NEGR1: variants seen among roughly 807,000 people sequenced by gnomAD.
NEGR1 encodes the protein IgLON family member 4.
In NEGR1, 10 loss-of-function variants were observed where a neutral mutation model predicts 40.9. The ratio of observed to expected loss-of-function variants is 0.24; its 90% CI spans 0.15 to 0.42. The LOEUF (loss-of-function observed/expected upper bound fraction) is 0.42, where lower values mean the gene tolerates loss of function less well. Ranked by LOEUF, NEGR1 falls within the 10% of genes least tolerant of loss-of-function variation. The probability of loss-of-function intolerance (pLI) is 1.00; values close to 1 mark genes in which losing one functional copy is unlikely to be tolerated. For missense variants in NEGR1, 352 were observed against 438.9 expected (o/e 0.80, Z 1.77); for synonymous variants, 185 against 166.8 (o/e 1.11, Z -0.84).
At chr1:72,187,798 C>T (rs1449597365) in intron 1 of NEGR1, among the ~76,000 whole-genome samples, 1 of 151,348 alleles carries the variant, frequency 6.6e-6, no homozygotes, top group Non-Finnish European at 1.5e-5. Context: ...TTAGGTTAGG[C>T]ACTGTTTTTA....
chr1:71,866,263 A>C (rs1208703164), intron 2 of NEGR1, among the ~76,000 whole-genome samples: 1 of 152,140 alleles, frequency 6.6e-6, no homozygotes, highest in East Asian at 1.9e-4. Context: ...AAGAACAGTA[A>C]AATATCTCCT....
At chr1:72,064,859 A>G (rs565868814) in intron 1 of NEGR1, among the ~76,000 whole-genome samples, 11 of 152,136 alleles carry the variant, frequency 7.2e-5, no homozygotes, top group African/African-American at 2.6e-4. Context: ...GGTTTATTTT[A>G]TTAAATGAGG....
intron 6 of NEGR1, among the ~76,000 whole-genome samples, chr1:71,567,142 C>T (rs142076835): frequency 0.014 from 2,180 of 152,224 alleles, 26 homozygotes; most frequent in Non-Finnish European, 0.022. Context: ...GAGAATACAT[C>T]TCAAGTTTTA....
intron 1 of NEGR1, among the ~76,000 whole-genome samples, chr1:72,208,485 C>T (rs1240598178): frequency 1.3e-5 from 2 of 151,360 alleles, no homozygotes; most frequent in South Asian, 4.1e-4. Context: ...AGTTTTTCTT[C>T]CCGTATAATT....
Position 71,451,012 on chromosome 1 carries a change from A to C in NEGR1, c.941-43442T>G, listed in dbSNP as rs182726743. ...AATATTTGACAGGTGTAATCTCTAG[A>C]GTACTGGAATTCAGAGAAAGGTCAT... On this transcript the variant is annotated intron_variant, in intron 6 of 6. Transcript: ENST00000357731. Among the ~76,000 whole-genome samples, 295 of 152,274 alleles carry C rather than the reference A, an allele frequency of 1.9e-3. 2 individuals are homozygous for C. The highest frequency in any genetic ancestry group is 3.7e-3 in the South Asian group (18 of 4,826).
chr1:72,172,765 G>A (rs1410826572), intron 1 of NEGR1, among the ~76,000 whole-genome samples: 3 of 152,042 alleles, frequency 2.0e-5, no homozygotes, highest in African/African-American at 4.8e-5. Context: ...GCTCTGAGAC[G>A]GAATCTGTTT....
chr1:72,218,376 A>G (rs570792478), intron 1 of NEGR1, among the ~76,000 whole-genome samples: 51 of 152,142 alleles, frequency 3.4e-4, no homozygotes, highest in African/African-American at 1.2e-3. Context: ...AAGTAAGAAA[A>G]AAAAGTAAGA....
intron 1 of NEGR1, among the ~76,000 whole-genome samples, chr1:72,025,790 T>A (rs1294604264): frequency 6.6e-6 from 1 of 152,140 alleles, no homozygotes; most frequent in Non-Finnish European, 1.5e-5. Flanking sequence ...ACGTTGCAGT[T>A]CTGGAGAAAG....
chr1:72,213,139 GAACTC>G (rs1376232461), intron 1 of NEGR1, among the ~76,000 whole-genome samples: 3 of 151,904 alleles, frequency 2.0e-5, no homozygotes, highest in Admixed American at 6.6e-5. Context: ...CTCTGCTGAA[GAACTC>G]AAGGACATAT....
intron 2 of NEGR1, among the ~76,000 whole-genome samples, chr1:71,874,644 T>C (rs915312075): frequency 2.6e-5 from 4 of 152,158 alleles, no homozygotes; most frequent in African/African-American, 4.8e-5. Flanking sequence ...AGGATGTGAA[T>C]TTGCTTTCAC....
intron 3 of NEGR1, among the ~76,000 whole-genome samples, chr1:71,730,577 A>ATATATATATG (rs1654828351): frequency 6.8e-6 from 1 of 146,092 alleles, no homozygotes; most frequent in Non-Finnish European, 1.5e-5. Context: ...ATTTATATAT[A>ATATATATATG]TATATATATA....
At chr1:71,441,295 C>T (rs1303400560) in intron 6 of NEGR1, among the ~76,000 whole-genome samples, 4 of 152,178 alleles carry the variant, frequency 2.6e-5, no homozygotes, top group Non-Finnish European at 5.9e-5. Context: ...AGGTTGTTAT[C>T]GGCCCCAATC....
At chr1:71,471,261 G>A (rs1646780343) in intron 6 of NEGR1, among the ~76,000 whole-genome samples, 1 of 152,052 alleles carries the variant, frequency 6.6e-6, no homozygotes, top group Non-Finnish European at 1.5e-5. Flanking sequence ...AAGACTTTTT[G>A]AACTCCTCAT....
At chr1:71,932,659 C>G (rs1444888655) in intron 2 of NEGR1, among the ~76,000 whole-genome samples, 1 of 151,992 alleles carries the variant, frequency 6.6e-6, no homozygotes, top group African/African-American at 2.4e-5. Flanking sequence ...TTGTTTTTAC[C>G]AGCCAATGTA....
At chr1:71,580,351 A>G (rs1291856290) in intron 6 of NEGR1, among the ~76,000 whole-genome samples, 1 of 151,834 alleles carries the variant, frequency 6.6e-6, no homozygotes, top group Non-Finnish European at 1.5e-5. Flanking sequence ...AGATATACCT[A>G]ATGCTAGATG....
chr1:71,709,896 A>G lies in NEGR1; in HGVS notation c.536-11757T>C, dbSNP rs146540873. Among the ~76,000 whole-genome samples, 133 of 152,318 alleles carry G rather than the reference A, an allele frequency of 8.7e-4. 1 individual carries two copies. Among genetic ancestry groups the G allele is most frequent in the African/African-American group, 3.0e-3 (124 of 41,582 alleles). ...TCACATCAATTTAAAAAGCTTCTGCACAACAAAGGATACGGTCAACCCAGC... is the reference window on the plus strand; with the variant it reads ...TCACATCAATTTAAAAAGCTTCTGCGCAACAAAGGATACGGTCAACCCAGC... On this transcript the variant is annotated intron_variant, in intron 3 of 6. Coordinates refer to ENST00000357731, the MANE Select transcript of NEGR1 (RefSeq NM_173808.3).
chr1:72,159,117 C>T (rs912515572), intron 1 of NEGR1, among the ~76,000 whole-genome samples: 1 of 152,042 alleles, frequency 6.6e-6, no homozygotes, highest in Non-Finnish European at 1.5e-5. Context: ...TTCTTCTGTG[C>T]TTGTAGATGT....
intron 3 of NEGR1, among the ~76,000 whole-genome samples, chr1:71,698,561 G>A (rs1470223783): frequency 6.6e-6 from 1 of 151,658 alleles, no homozygotes; most frequent in African/African-American, 2.4e-5. Context: ...CTTTTCTTTT[G>A]GGGGAAATCT....
At chr1:71,599,860 T>C (rs1473128394) in intron 5 of NEGR1, among the ~76,000 whole-genome samples, 1 of 152,198 alleles carries the variant, frequency 6.6e-6, no homozygotes, top group East Asian at 1.9e-4. Flanking sequence ...AAATAAACAA[T>C]GGCTACAGTA....
Sources: gnomAD v4.1 joint callset for allele counts (sites outside exome capture counted in the v4.1 genomes callset) on GRCh38, gnomAD v4.1.1 for gene constraint, MANE v1.5 for transcripts, NCBI Gene and HGNC (gene_info 2026-07-23, HGNC 2026-07-21) for gene names.